The following RALGAPA1 variants were observed in gnomAD, a reference collection of about 807,000 sequenced individuals.
RALGAPA1 encodes the protein Ral GTPase activating protein catalytic subunit alpha 1.
In RALGAPA1, 52 loss-of-function variants were observed where a neutral mutation model predicts 269.6. The observed-to-expected ratio is 0.19, with a 90% CI of 0.15 to 0.24. RALGAPA1 has a LOEUF of 0.24. Ranked by LOEUF, RALGAPA1 falls within the 10% of genes least tolerant of loss-of-function variation. RALGAPA1 has a pLI of 1.00. For missense variants in RALGAPA1, 1,917 were observed against 3,013.9 expected, an observed-to-expected ratio of 0.64 and a Z score of 8.52; for synonymous variants, 817 against 1,008.3, an observed-to-expected ratio of 0.81 and a Z score of 3.60.
chr14:35,663,582 T>G (rs1179605808), intron 27 of RALGAPA1, among the ~76,000 whole-genome samples: 1 of 147,828 alleles, frequency 6.8e-6, no homozygotes, highest in East Asian at 2.0e-4. Flanking sequence ...GTTAAACCCT[T>G]GGGAATTTTT....
intron 21 of RALGAPA1, among the ~76,000 whole-genome samples, chr14:35,682,135 T>C (rs1314000609): frequency 6.6e-6 from 1 of 152,180 alleles, no homozygotes; most frequent in Non-Finnish European, 1.5e-5. Flanking sequence ...CGTACAACTG[T>C]CCAAGGAAAA....
intron 35 of RALGAPA1, among the ~76,000 whole-genome samples, chr14:35,608,062 A>G (rs763573005): frequency 6.6e-6 from 1 of 152,182 alleles, no homozygotes; most frequent in Non-Finnish European, 1.5e-5. Flanking sequence ...AAGACTTAAA[A>G]ATAACATCCA....
chr14:35,584,665 GA>G (rs1450562727), intron 37 of RALGAPA1, among the ~76,000 whole-genome samples: 1 of 152,042 alleles, frequency 6.6e-6, no homozygotes, highest in Non-Finnish European at 1.5e-5. Context: ...GTTAAAAAAA[GA>G]AGCATAATTG....
intron 3 of RALGAPA1, among the ~76,000 whole-genome samples, chr14:35,774,415 A>T (rs2074866801): frequency 6.6e-6 from 1 of 152,098 alleles, no homozygotes; most frequent in Admixed American, 6.6e-5. Flanking sequence ...AGGGGAGTAA[A>T]AGGGTCTTAA....
At chr14:35,609,239 C>A (rs991216905) in intron 35 of RALGAPA1, among the ~76,000 whole-genome samples, 7 of 149,548 alleles carry the variant, frequency 4.7e-5, no homozygotes, top group East Asian at 2.0e-4. Flanking sequence ...AAAAAAAAAA[C>A]CAAAAAACAA....
intron 26 of RALGAPA1, among the ~76,000 whole-genome samples, chr14:35,669,120 A>C (rs1595062712): frequency 1.3e-5 from 2 of 152,334 alleles, no homozygotes; most frequent in South Asian, 4.1e-4. Flanking sequence ...TGATATCCCT[A>C]AACAAATAAG....
intron 16 of RALGAPA1, among the ~76,000 whole-genome samples, chr14:35,719,735 A>G (rs536858596): frequency 1.3e-5 from 2 of 152,182 alleles, no homozygotes; most frequent in African/African-American, 2.4e-5. Context: ...TAGACTTAAA[A>G]GAACAATTTC....
At chr14:35,801,285 T>A (rs1193444218) in intron 1 of RALGAPA1, among the ~76,000 whole-genome samples, 3 of 130,748 alleles carry the variant, frequency 2.3e-5, no homozygotes, top group Non-Finnish European at 4.8e-5. Context: ...ACACACACAT[T>A]TGAGATAGAG....
rs2061078170 is a variant in RALGAPA1 at position 35,627,666 on chromosome 14, A to G, written c.6281T>C (p.Leu2094Pro). The part of the protein sequence containing the change: ...NMPGGGLSAG[L>P]ASANSNVRII... The stretch of plus-strand genomic sequence containing the variant: ...TCTGACATTTGAATTGGCTGATGCA[A>G]GGCCAGCAGATAAACCTCCTCCAGG... Residue 2094 changes from leucine (L) to proline (P), a missense_variant, in exon 34 of 42, where the codon CTT (leucine) becomes CCT (proline). Leu to Pro is a moderately conservative substitution (Grantham distance 98). This residue lies in a region of RALGAPA1 where 346 missense variants were observed against 566.1 expected (regional missense o/e 0.61). Coordinates refer to ENST00000680220, the MANE Select transcript of RALGAPA1 (RefSeq NM_001346249.2). 6.3e-7 allele frequency: 1 copy of G among 1,576,770 alleles called. No homozygotes were observed. Among genetic ancestry groups the G allele is most frequent in the African/African-American group, 1.4e-5 (1 of 73,224 alleles).
In RALGAPA1 at chr14:35,635,504, C is replaced by T. The variant is rs1199689871; in HGVS notation, c.5771G>A (p.Ser1924Asn). The T allele has an allele frequency of 1.9e-6, 3 of 1,606,510 alleles. No individual in the cohort carries two copies. Among genetic ancestry groups the T allele is most frequent in the South Asian group, 2.2e-5 (2 of 89,166 alleles). The change falls in exon 32 of 42, where the codon AGC becomes AAC. Residue 1924 changes from serine to asparagine, a missense_variant. Ser to Asn is a conservative substitution (Grantham distance 46). Around this residue, in one of 11 missense-constraint regions of RALGAPA1, gnomAD observed 346 missense variants for 566.1 expected, o/e 0.61. Coordinates refer to ENST00000680220, the MANE Select transcript of RALGAPA1 (RefSeq NM_001346249.2). ...GAGAACAGATTTTTCTGTTTTATCG[C>T]TTTCTGCTCCCGTAGCATGAAATGG... ...LQPFHATGAE[S>N]DKTEKSVLNC...
chr14:35,661,468 G>C (rs1392161183), intron 27 of RALGAPA1, among the ~76,000 whole-genome samples: 3 of 152,072 alleles, frequency 2.0e-5, no homozygotes, highest in South Asian at 2.1e-4. Flanking sequence ...GTCTATTAAG[G>C]AGTCAGAATA....
intron 1 of RALGAPA1, among the ~76,000 whole-genome samples, chr14:35,778,784 C>G (rs2075234566): frequency 6.6e-6 from 1 of 152,174 alleles, no homozygotes. Context: ...ACACTTACTA[C>G]CTATGTGACT....
intron 1 of RALGAPA1, among the ~76,000 whole-genome samples, chr14:35,797,225 G>A (rs1381637967): frequency 2.0e-5 from 3 of 151,610 alleles, no homozygotes; most frequent in Non-Finnish European, 2.9e-5. Flanking sequence ...GTGGTGGTGC[G>A]TGCCTGTAGT....
At chr14:35,682,617 T>C (rs1465723861) in intron 21 of RALGAPA1, among the ~76,000 whole-genome samples, 1 of 152,212 alleles carries the variant, frequency 6.6e-6, no homozygotes, top group Non-Finnish European at 1.5e-5. Context: ...TCAGTGTTTT[T>C]AACTTGAACA....
chr14:35,606,205 T>A (rs1397056772), intron 35 of RALGAPA1, among the ~76,000 whole-genome samples: 1 of 152,192 alleles, frequency 6.6e-6, no homozygotes, highest in African/African-American at 2.4e-5. Context: ...ACAACAGGGA[T>A]AAATTCTGAG....
At chr14:35,660,903 G>T (rs11623660) in intron 27 of RALGAPA1, among the ~76,000 whole-genome samples, 2,245 of 152,250 alleles carry the variant, frequency 0.015, 19 homozygotes, top group Middle Eastern at 0.058. Context: ...CCTACATGTG[G>T]AATATAAAAA....
chr14:35,669,650 C>G (rs532268246), intron 26 of RALGAPA1, among the ~76,000 whole-genome samples: 1 of 152,264 alleles, frequency 6.6e-6, no homozygotes, highest in East Asian at 1.9e-4. Context: ...GGATTTGAAC[C>G]CAAGCAGGTC....
At chr14:35,639,714 C>T (rs1431213765) in intron 31 of RALGAPA1, among the ~76,000 whole-genome samples, 15 of 152,032 alleles carry the variant, frequency 9.9e-5, no homozygotes, top group African/African-American at 2.2e-4. Flanking sequence ...CCGAGGTGGG[C>T]GGATCATGAG....
At chr14:35,682,604 C>A (rs545050073) in intron 21 of RALGAPA1, among the ~76,000 whole-genome samples, 1 of 152,272 alleles carries the variant, frequency 6.6e-6, no homozygotes, top group Admixed American at 6.5e-5. Flanking sequence ...CCATGCCCGG[C>A]CGTCAGTGTT....
Sources: gnomAD v4.1 joint callset for allele counts (sites outside exome capture counted in the v4.1 genomes callset) on GRCh38, gnomAD v4.1.1 for gene constraint, gnomAD v4.1.1 regional missense constraint, MANE v1.5 for transcripts, NCBI Gene and HGNC (gene_info 2026-07-23, HGNC 2026-07-21) for gene names.